The following THAP4 variants were observed in gnomAD, a reference collection of about 807,000 sequenced individuals.
The protein encoded by THAP4 is THAP domain containing 4.
In THAP4, 18 loss-of-function variants were observed where a neutral mutation model predicts 48.1. The ratio of observed to expected loss-of-function variants is 0.37; its 90% CI spans 0.26 to 0.56. The LOEUF (loss-of-function observed/expected upper bound fraction) is 0.56. THAP4 is among the 20% of genes least tolerant of loss of function. THAP4 has a pLI of 0.78. For synonymous variants in THAP4, 345 were observed against 324.9 expected (o/e 1.06, Z -0.66); for missense variants, 656 against 774.9 (o/e 0.85, Z 1.82).
At chr2:241,630,885 G>A (rs1159463403) in intron 2 of THAP4, among the ~76,000 whole-genome samples, 1 of 151,960 alleles carries the variant, frequency 6.6e-6, no homozygotes, top group South Asian at 2.1e-4. Flanking sequence ...AATTAGCCAG[G>A]TGTGGTGATA....
intron 2 of THAP4, among the ~76,000 whole-genome samples, chr2:241,609,063 G>T (rs1439431159): frequency 6.6e-6 from 1 of 152,248 alleles, no homozygotes; most frequent in Non-Finnish European, 1.5e-5. Flanking sequence ...CGAGAAGGCT[G>T]AGTGGGAGGG....
intron 2 of THAP4, among the ~76,000 whole-genome samples, chr2:241,621,838 A>G (rs1377373802): frequency 6.6e-6 from 1 of 152,144 alleles, no homozygotes; most frequent in African/African-American, 2.4e-5. Flanking sequence ...TCATACTCAA[A>G]CTGCAGAAAA....
intron 5 of THAP4, among the ~76,000 whole-genome samples, chr2:241,590,283 T>G (rs201203565): frequency 0.051 from 288 of 5,620 alleles, no homozygotes; most frequent in South Asian, 0.12. Flanking sequence ...ACTAGGACAC[T>G]CAGAGCTGCC....
At chr2:241,617,628 G>C in intron 2 of THAP4, 1 of 614,780 alleles carries the variant, frequency 1.6e-6, no homozygotes, top group Non-Finnish European at 2.7e-6. Context: ...CAGAATTTCA[G>C]AGCTGGAAGG....
At position 241,621,617 on chromosome 2, in the gene THAP4, G is replaced by A. The variant is rs141318663; in HGVS notation, c.1240+11300C>T. Among the ~76,000 whole-genome samples the A allele has an allele frequency of 3.4e-4, 52 of 151,364 alleles. No individual in the cohort carries two copies. The East Asian group carries it at 8.1e-3, about 24-fold the overall frequency. On this transcript the variant is annotated intron_variant, in intron 2 of 5. Transcript: ENST00000407315. ...AACTGAAATGCAAAGAGAAAAAAAC[G>A]GAAAAAAAAAATCAGAATATTGGAG...
At chr2:241,586,800 T>C (rs1033055306) in intron 5 of THAP4, among the ~76,000 whole-genome samples, 1 of 152,128 alleles carries the variant, frequency 6.6e-6, no homozygotes, top group Non-Finnish European at 1.5e-5. Flanking sequence ...AATATCCACA[T>C]TGAAGCTTAG....
At chr2:241,625,952 C>A (rs1575037373) in intron 2 of THAP4, among the ~76,000 whole-genome samples, 2 of 152,096 alleles carry the variant, frequency 1.3e-5, no homozygotes, top group African/African-American at 4.8e-5. Flanking sequence ...GAGATCTATT[C>A]CAGGTATGCA....
chr2:241,613,226 G>T (rs906688988), intron 2 of THAP4, among the ~76,000 whole-genome samples: 2 of 151,144 alleles, frequency 1.3e-5, no homozygotes, highest in African/African-American at 4.9e-5. Context: ...GGAGACAATA[G>T]GGAAATGATG....
At chr2:241,625,367 C>T (rs1041931691) in intron 2 of THAP4, among the ~76,000 whole-genome samples, 4 of 151,136 alleles carry the variant, frequency 2.6e-5, no homozygotes, top group Non-Finnish European at 4.4e-5. Context: ...CCCAGCTACT[C>T]GAAAGGCTGT....
intron 2 of THAP4, among the ~76,000 whole-genome samples, chr2:241,619,014 G>A (rs989672747): frequency 7.2e-5 from 11 of 152,184 alleles, no homozygotes; most frequent in African/African-American, 2.7e-4. Flanking sequence ...TCACCCAAGC[G>A]GGGAGGAGAA....
At chr2:241,614,495 C>T (rs1039741655) in intron 2 of THAP4, among the ~76,000 whole-genome samples, 1 of 152,180 alleles carries the variant, frequency 6.6e-6, no homozygotes, top group African/African-American at 2.4e-5. Flanking sequence ...TTGCAATTCA[C>T]CTCTAAGTCT....
At position 241,610,480 on chromosome 2, in the gene THAP4, G is replaced by A. The variant is rs1323823971; in HGVS notation, c.1241-4007C>T. On this transcript the variant is annotated intron_variant, in intron 2 of 5. Transcript: ENST00000407315. The surrounding 1 kb of genome is among the most constrained non-coding windows in gnomAD (Gnocchi z 4.2). ...CTGGCTGCCACCTCACCTAGCAGGC[G>A]TCACAGGGCTCACTCAAGAGCTCCA... 6.6e-6 allele frequency among the ~76,000 whole-genome samples: 1 copy of A among 152,204 alleles called. No individual in the cohort carries two copies. Among genetic ancestry groups the A allele is most frequent in the East Asian group, 1.9e-4 (1 of 5,188 alleles).
chr2:241,637,532 G>A, upstream of THAP4: 17 of 1,448,934 alleles, frequency 1.2e-5, no homozygotes, highest in Non-Finnish European at 1.5e-5. Context: ...GGCGCCCCGG[G>A]GCTCGCGTCG....
intron 2 of THAP4, among the ~76,000 whole-genome samples, chr2:241,608,855 GCA>G: frequency 6.6e-6 from 1 of 152,256 alleles, no homozygotes; most frequent in Non-Finnish European, 1.5e-5. Context: ...TGAGAAGTGT[GCA>G]CAGACCAGGC....
intron 1 of THAP4, 96 bp from the exon 2 acceptor site, chr2:241,634,175 C>T (rs1166116926): frequency 1.1e-6 from 1 of 927,864 alleles, no homozygotes; most frequent in Non-Finnish European, 1.6e-6. Flanking sequence ...TTGCACGCAC[C>T]CTAAGCCGTA....
At chr2:241,628,301 C>A (rs1000171341) in intron 2 of THAP4, among the ~76,000 whole-genome samples, 1 of 151,900 alleles carries the variant, frequency 6.6e-6, no homozygotes, top group South Asian at 2.1e-4. Flanking sequence ...CTCGACCCCC[C>A]AAGGCTTCAA....
At position 241,621,256 on chromosome 2, in the gene THAP4, G is replaced by A. The variant is rs375262410; in HGVS notation, c.1240+11661C>T. ...CCATCTACTCGGGAGGCTGAGGTAG[G>A]AGAATTGCTTGAGCCCAGGAAGCAG... On this transcript the variant is annotated intron_variant, in intron 2 of 5. Transcript: ENST00000407315. 4.9e-4 allele frequency among the ~76,000 whole-genome samples: 75 copies of A among 152,270 alleles called. 1 individual carries two copies. The highest frequency in any genetic ancestry group is 1.7e-3 in the African/African-American group (72 of 41,548).
Position 241,616,200 on chromosome 2 carries a change from C to T in THAP4, c.1241-9727G>A, listed in dbSNP as rs144719797. Among the ~76,000 whole-genome samples, 551 of 152,294 alleles carry T rather than the reference C, an allele frequency of 3.6e-3. 4 individuals carry two copies. The highest frequency in any genetic ancestry group is 0.01 in the Middle Eastern group (3 of 294). ...CCTTTTACGTAGGAGGGACGTGGCCCGGGCTTTCTGCCTCGACGACTAGCC... is the reference window on the plus strand; with the variant it reads ...CCTTTTACGTAGGAGGGACGTGGCCTGGGCTTTCTGCCTCGACGACTAGCC... On this transcript the variant is annotated intron_variant, in intron 2 of 5. Coordinates refer to ENST00000407315, the MANE Select transcript of THAP4 (RefSeq NM_015963.6). The surrounding 1 kb of genome is among the most constrained non-coding windows in gnomAD (Gnocchi z 4.6).
intron 3 of THAP4, among the ~76,000 whole-genome samples, chr2:241,605,874 C>T (rs1193226248): frequency 6.6e-6 from 1 of 152,074 alleles, no homozygotes; most frequent in African/African-American, 2.4e-5. Flanking sequence ...TGTGTCACCA[C>T]ACCTGGCTAA....
Sources: allele counts gnomAD v4.1 joint callset (sites outside exome capture counted in the v4.1 genomes callset), GRCh38; gene constraint gnomAD v4.1.1; non-coding constraint Gnocchi (gnomAD v3.1); transcripts MANE v1.5; gene names NCBI Gene and HGNC (gene_info 2026-07-23, HGNC 2026-07-21).